OXCT1: variants seen among roughly 807,000 people sequenced by gnomAD.
OXCT1 encodes the protein 3-oxoacid CoA-transferase 1.
Under a neutral mutation model 69.6 loss-of-function variants are expected in OXCT1, and 27 were observed. The observed-to-expected ratio is 0.39, with a 90% CI of 0.29 to 0.54. The LOEUF (loss-of-function observed/expected upper bound fraction) is 0.54. Ranked by LOEUF, OXCT1 falls within the 20% of genes least tolerant of loss-of-function variation. The probability of loss-of-function intolerance (pLI) is 0.72; values close to 1 mark genes in which losing one functional copy is unlikely to be tolerated. For synonymous variants in OXCT1, 202 were observed against 217.8 expected (o/e 0.93, Z 0.64); for missense variants, 437 against 650.2 (o/e 0.67, Z 3.57).
At chr5:41,834,488 A>C (rs1162545461) in intron 7 of OXCT1, among the ~76,000 whole-genome samples, 3 of 83,714 alleles carry the variant, frequency 3.6e-5, no homozygotes, top group African/African-American at 2.2e-4. Flanking sequence ...GGAAACCCAC[A>C]AAAAAAAAAA....
chr5:41,766,915 G>A (rs1298231169), intron 13 of OXCT1, among the ~76,000 whole-genome samples: 2 of 152,110 alleles, frequency 1.3e-5, no homozygotes, highest in African/African-American at 4.8e-5. Flanking sequence ...AAAGATCATT[G>A]TAGAATGATT....
intron 1 of OXCT1, among the ~76,000 whole-genome samples, chr5:41,866,663 ACTG>A (rs1355222368): frequency 2.2e-4 from 34 of 152,252 alleles, no homozygotes; most frequent in Non-Finnish European, 4.6e-4. Context: ...TGAACTAAAC[ACTG>A]CCAATTATGC....
chr5:41,790,939 C>T (rs1745887321), intron 13 of OXCT1, among the ~76,000 whole-genome samples: 1 of 152,018 alleles, frequency 6.6e-6, no homozygotes, highest in African/African-American at 2.4e-5. Flanking sequence ...TCGCTTTTAC[C>T]AGTGTATTTT....
Position 41,835,088 on chromosome 5 carries a change from C to T in OXCT1, c.732+5363G>A, listed in dbSNP as rs562540091. ...GACAAACCTTTAGCCAGACTAACAACGGTGGGGGTGGGGGTAGGGATGAAG... is the reference window on the plus strand; with the variant it reads ...GACAAACCTTTAGCCAGACTAACAATGGTGGGGGTGGGGGTAGGGATGAAG... On this transcript the variant is annotated intron_variant, in intron 7 of 16. Transcript: ENST00000196371. 8.4e-5 allele frequency among the ~76,000 whole-genome samples: 12 copies of T among 143,394 alleles called. No homozygotes were observed. The South Asian group carries it at 8.9e-4, about 11-fold the overall frequency. 94.1% of individuals were successfully genotyped at this position (143,394 alleles called of 152,430 possible).
intron 8 of OXCT1, 136 bp downstream of exon 8, chr5:41,807,195 C>T (rs1342181297): frequency 1.5e-6 from 1 of 684,832 alleles, no homozygotes; most frequent in Non-Finnish European, 2.7e-6. Context: ...ATGATAGACA[C>T]ATGAGAAGCT....
At chr5:41,735,042 C>T (rs1176910636) in intron 16 of OXCT1, among the ~76,000 whole-genome samples, 2 of 152,018 alleles carry the variant, frequency 1.3e-5, no homozygotes, top group Non-Finnish European at 2.9e-5. Flanking sequence ...GGCAGTTCCA[C>T]AAAAAATTAA....
chr5:41,801,176 T>A (rs991394504), intron 10 of OXCT1, 106 bp from the exon 11 acceptor site: 32 of 892,310 alleles, frequency 3.6e-5, no homozygotes, highest in Non-Finnish European at 4.8e-5. Flanking sequence ...AAATTTATCA[T>A]CCGAAGACTT....
intron 16 of OXCT1, among the ~76,000 whole-genome samples, chr5:41,733,127 G>A (rs75159093): frequency 1.2e-4 from 18 of 151,940 alleles, no homozygotes; most frequent in East Asian, 9.6e-4. Context: ...TCACACATAC[G>A]CACAGATTTT....
At chr5:41,856,869 C>T (rs973885207) in intron 3 of OXCT1, among the ~76,000 whole-genome samples, 2 of 152,182 alleles carry the variant, frequency 1.3e-5, no homozygotes, top group Non-Finnish European at 2.9e-5. Flanking sequence ...TTCCGTTGTT[C>T]AAGGGCTGTC....
chr5:41,775,505 G>C (rs898517130), intron 13 of OXCT1, among the ~76,000 whole-genome samples: 1 of 152,184 alleles, frequency 6.6e-6, no homozygotes, highest in Admixed American at 6.5e-5. Context: ...CTCTCCCAGA[G>C]CCCTGATGTG....
chr5:41,799,629 T>C (rs1242747161), intron 11 of OXCT1, among the ~76,000 whole-genome samples: 1 of 152,214 alleles, frequency 6.6e-6, no homozygotes, highest in Non-Finnish European at 1.5e-5. Flanking sequence ...GAACATGCAG[T>C]TATTCATTTT....
intron 7 of OXCT1, among the ~76,000 whole-genome samples, chr5:41,834,487 CAA>C (rs1209653207): frequency 4.3e-4 from 32 of 75,096 alleles, no homozygotes; most frequent in Non-Finnish European, 8.2e-4. Flanking sequence ...TGGAAACCCA[CAA>C]AAAAAAAAAA....
intron 4 of OXCT1, among the ~76,000 whole-genome samples, chr5:41,852,212 G>GT (rs767169165): frequency 1.3e-5 from 2 of 151,786 alleles, no homozygotes; most frequent in Non-Finnish European, 2.9e-5. Flanking sequence ...TTTTGTTTTT[G>GT]TTTTTTCAAA....
intron 15 of OXCT1, 188 bp from the exon 16 acceptor site, chr5:41,739,679 C>A: frequency 5.8e-6 from 3 of 518,774 alleles, no homozygotes; most frequent in Non-Finnish European, 7.1e-6. Flanking sequence ...TCCTGGCTAA[C>A]ACGGTGAAAC....
chr5:41,758,236 G>C (rs1472919225), intron 14 of OXCT1, among the ~76,000 whole-genome samples: 1 of 152,062 alleles, frequency 6.6e-6, no homozygotes, highest in Admixed American at 6.6e-5. Context: ...CACTTCTCTA[G>C]TTGGGCCAAA....
intron 7 of OXCT1, among the ~76,000 whole-genome samples, chr5:41,817,785 C>T (rs1233688747): frequency 1.3e-5 from 2 of 152,104 alleles, no homozygotes; most frequent in Non-Finnish European, 2.9e-5. Flanking sequence ...ACACACTATA[C>T]CAGGCAGTAT....
chr5:41,735,756 C>T (rs1346252588), intron 16 of OXCT1, among the ~76,000 whole-genome samples: 2 of 152,196 alleles, frequency 1.3e-5, no homozygotes, highest in Non-Finnish European at 2.9e-5. Flanking sequence ...TGTAACTACC[C>T]TGACCTCCGG....
intron 13 of OXCT1, among the ~76,000 whole-genome samples, chr5:41,770,051 C>T (rs1026541140): frequency 6.6e-6 from 1 of 152,214 alleles, no homozygotes; most frequent in Non-Finnish European, 1.5e-5. Context: ...TGAGCCACCA[C>T]GCCCAGCCCT....
At chr5:41,839,382 C>T (rs1424519246) in intron 7 of OXCT1, among the ~76,000 whole-genome samples, 6 of 152,240 alleles carry the variant, frequency 3.9e-5, no homozygotes, top group Admixed American at 3.3e-4. Flanking sequence ...ATGCTGTAGG[C>T]CTTTTTTCAG....
Sources: allele counts gnomAD v4.1 joint callset (sites outside exome capture counted in the v4.1 genomes callset), GRCh38; gene constraint gnomAD v4.1.1; transcripts MANE v1.5; gene names NCBI Gene and HGNC (gene_info 2026-07-23, HGNC 2026-07-21).